Variants in GULP1 observed in about 807,000 individuals in gnomAD.
GULP1 encodes the protein GULP PTB domain containing engulfment adaptor 1.
In GULP1, 19 loss-of-function variants were observed where a neutral mutation model predicts 40.9. The ratio of observed to expected loss-of-function variants is 0.46; its 90% confidence interval spans 0.32 to 0.68. The LOEUF (loss-of-function observed/expected upper bound fraction) is 0.68, where lower values mean the gene tolerates loss of function less well. GULP1 is among the 30% of genes least tolerant of loss of function. The pLI, the probability that GULP1 is intolerant of heterozygous loss-of-function variation, is 0.03. For synonymous variants in GULP1, 119 were observed against 117.6 expected (o/e 1.01, Z -0.08); for missense variants, 312 against 362.2 (o/e 0.86, Z 1.12).
At chr2:188,297,325 G>A (rs2035184679) in intron 1 of GULP1, among the ~76,000 whole-genome samples, 1 of 152,008 alleles carries the variant, frequency 6.6e-6, no homozygotes, top group South Asian at 2.1e-4. Flanking sequence ...ACAAGCACAT[G>A]TACAGTTAAC....
intron 1 of GULP1, among the ~76,000 whole-genome samples, chr2:188,321,788 G>T (rs568802994): frequency 6.6e-6 from 1 of 151,732 alleles, no homozygotes; most frequent in African/African-American, 2.4e-5. Context: ...AGTCAGAGGC[G>T]GGCAGATCAC....
chr2:188,420,525 C>A (rs78286181), intron 2 of GULP1, among the ~76,000 whole-genome samples: 2 of 152,088 alleles, frequency 1.3e-5, no homozygotes, highest in Admixed American at 1.3e-4. Context: ...TCTTTCACTC[C>A]GACAGTTCAG....
At chr2:188,588,808 T>C (rs1342271660) in intron 11 of GULP1, 1 of 152,094 alleles carries the variant, frequency 6.6e-6, no homozygotes, top group Non-Finnish European at 1.5e-5. Context: ...AAAACAATTA[T>C]GGGTGAACAC....
At chr2:188,384,786 C>T (rs955908273) in intron 2 of GULP1, among the ~76,000 whole-genome samples, 14 of 152,174 alleles carry the variant, frequency 9.2e-5, no homozygotes, top group African/African-American at 3.4e-4. Context: ...ACAGGCCCCA[C>T]GCTGTTCCAA....
intron 4 of GULP1, among the ~76,000 whole-genome samples, chr2:188,486,157 A>C (rs1400009502): frequency 9.9e-5 from 15 of 151,996 alleles, no homozygotes; most frequent in Non-Finnish European, 1.6e-4. Context: ...AGGAAGATAA[A>C]TCGGTAGTGA....
chr2:188,472,473 T>C (rs925162136), intron 2 of GULP1, among the ~76,000 whole-genome samples: 2 of 152,154 alleles, frequency 1.3e-5, no homozygotes, highest in African/African-American at 4.8e-5. Context: ...TTTAATTCTT[T>C]TTTTCTTTTG....
chr2:188,545,353 A>G (rs1257620068), intron 7 of GULP1, among the ~76,000 whole-genome samples: 1 of 151,808 alleles, frequency 6.6e-6, no homozygotes, highest in Non-Finnish European at 1.5e-5. Flanking sequence ...ATTGTGTTTG[A>G]TAGTAGAAGA....
chr2:188,326,452 T>C (rs1247979487), intron 1 of GULP1, among the ~76,000 whole-genome samples: 1 of 152,066 alleles, frequency 6.6e-6, no homozygotes, highest in Non-Finnish European at 1.5e-5. Context: ...ATTGGGTTAA[T>C]GTGAGGATTA....
intron 1 of GULP1, among the ~76,000 whole-genome samples, chr2:188,358,496 G>A (rs1325748595): frequency 6.6e-6 from 1 of 152,044 alleles, no homozygotes; most frequent in African/African-American, 2.4e-5. Flanking sequence ...GATACTGAAC[G>A]TTACCAACAT....
intron 1 of GULP1, among the ~76,000 whole-genome samples, chr2:188,315,056 T>A (rs2038854154): frequency 6.6e-6 from 1 of 152,156 alleles, no homozygotes; most frequent in South Asian, 2.1e-4. Flanking sequence ...CTTGAAATGC[T>A]TACTTTAAGT....
intron 6 of GULP1, 94 bp from the exon 7 acceptor site, chr2:188,541,082 GTTCTA>G: frequency 1.0e-6 from 1 of 982,194 alleles, no homozygotes; most frequent in Non-Finnish European, 1.5e-6. Flanking sequence ...ACAGATGATT[GTTCTA>G]CTTTTAAAGT....
chr2:188,353,138 A>G (rs1364334482), intron 1 of GULP1, among the ~76,000 whole-genome samples: 1 of 152,174 alleles, frequency 6.6e-6, no homozygotes, highest in East Asian at 1.9e-4. Flanking sequence ...CATCTGGCAA[A>G]TGCTTTATGA....
chr2:188,485,390 A>C (rs1054610215), intron 4 of GULP1, among the ~76,000 whole-genome samples: 4 of 152,072 alleles, frequency 2.6e-5, no homozygotes, highest in African/African-American at 9.6e-5. Flanking sequence ...TTTGTCTACT[A>C]TAATATGGCC....
intron 2 of GULP1, among the ~76,000 whole-genome samples, chr2:188,418,441 G>A (rs918026625): frequency 6.6e-5 from 10 of 152,038 alleles, no homozygotes; most frequent in Admixed American, 2.0e-4. Flanking sequence ...AGACCAGCCT[G>A]GGCAACATGA....
intron 2 of GULP1, among the ~76,000 whole-genome samples, chr2:188,414,379 G>A (rs1331007098): frequency 6.6e-6 from 1 of 152,098 alleles, no homozygotes; most frequent in African/African-American, 2.4e-5. Flanking sequence ...TTTAAAAATA[G>A]GAATATTAAC....
chr2:188,538,142 G>A (rs1689431139), intron 6 of GULP1, among the ~76,000 whole-genome samples: 1 of 151,522 alleles, frequency 6.6e-6, no homozygotes, highest in African/African-American at 2.4e-5. Flanking sequence ...CTAACTTTTG[G>A]GTTTGTTCAT....
intron 6 of GULP1, among the ~76,000 whole-genome samples, chr2:188,536,848 T>C (rs1689070542): frequency 1.3e-5 from 2 of 152,156 alleles, no homozygotes; most frequent in African/African-American, 4.8e-5. Context: ...CTGTCATCTT[T>C]GATTTTTTTC....
chr2:188,570,228 A>G, intron 9 of GULP1, 108 bp downstream of exon 9: 1 of 619,202 alleles, frequency 1.6e-6, no homozygotes, highest in Non-Finnish European at 2.9e-6. Context: ...GTAATTTCAA[A>G]GTAAACATGG....
At chr2:188,499,133 G>GTATA (rs778858143) in intron 4 of GULP1, among the ~76,000 whole-genome samples, 4,501 of 120,224 alleles carry the variant, frequency 0.037, 96 homozygotes, top group Non-Finnish European at 0.043. Flanking sequence ...ATATATGTGT[G>GTATA]TGTATATATA....
Sources: gnomAD v4.1 joint callset for allele counts (sites outside exome capture counted in the v4.1 genomes callset) on GRCh38, gnomAD v4.1.1 for gene constraint, MANE v1.5 for transcripts, NCBI Gene and HGNC (gene_info 2026-07-23, HGNC 2026-07-21) for gene names.